Variants in NKAIN3 observed in about 807,000 individuals in gnomAD.
NKAIN3 encodes the protein sodium/potassium transporting ATPase interacting 3.
A neutral mutation model predicts 30.2 loss-of-function variants in NKAIN3; 25 were observed. The observed-to-expected ratio is 0.83, with a 90% CI of 0.60 to 1.16. The LOEUF (loss-of-function observed/expected upper bound fraction) is 1.16, where lower values mean the gene tolerates loss of function less well. NKAIN3 is among the 50% of genes most tolerant of loss of function. NKAIN3 has a pLI of 0.00. For missense variants in NKAIN3, 225 were observed against 254.1 expected (o/e 0.89, Z 0.78); for synonymous variants, 91 against 89.6 (o/e 1.02, Z -0.09).
rs769638912 is a variant in NKAIN3 at position 62,966,070 on chromosome 8, A to G, written c.*663A>G. On this transcript the variant is annotated 3_prime_UTR_variant, in exon 7 of 7. Transcript: ENST00000623646. Reference sequence around the variant, plus strand: ...ATATATGTAGGCACATGGAAGAGTAAAAGGATTAGTAGAACCCCTTTCCCC... The same window carrying G: ...ATATATGTAGGCACATGGAAGAGTAGAAGGATTAGTAGAACCCCTTTCCCC... 2.2e-5 allele frequency: 22 copies of G among 984,168 alleles called. No homozygotes were observed. The highest frequency in any genetic ancestry group is 2.5e-5 in the Non-Finnish European group (21 of 828,824). The allele number at this position is 984,168 out of a possible 1,614,324, so 61.0% of individuals were successfully genotyped here. A position where few individuals can be genotyped will look rare whatever the true frequency, so the allele number is the denominator to read the frequency against.
chr8:62,469,257 C>T (rs1806251499), intron 1 of NKAIN3, among the ~76,000 whole-genome samples: 1 of 152,110 alleles, frequency 6.6e-6, no homozygotes, highest in Non-Finnish European at 1.5e-5. Context: ...TACTAGAAAA[C>T]ATGTTTTGAA....
intron 6 of NKAIN3, among the ~76,000 whole-genome samples, chr8:62,955,494 G>A (rs1290703516): frequency 6.6e-6 from 1 of 151,974 alleles, no homozygotes; most frequent in East Asian, 1.9e-4. Context: ...TATTTGTTAT[G>A]TGATAAGAGG....
At chr8:62,810,795 G>T (rs1414451521) in intron 4 of NKAIN3, among the ~76,000 whole-genome samples, 6 of 151,856 alleles carry the variant, frequency 4.0e-5, no homozygotes, top group African/African-American at 1.5e-4. Flanking sequence ...TTCTATTAAA[G>T]ATTACTTTTA....
intron 4 of NKAIN3, among the ~76,000 whole-genome samples, chr8:62,869,544 A>G (rs1001441532): frequency 2.0e-4 from 30 of 152,252 alleles, no homozygotes; most frequent in African/African-American, 7.0e-4. Context: ...GTTAGAATGA[A>G]GATTAATGAT....
intron 4 of NKAIN3, among the ~76,000 whole-genome samples, chr8:62,906,180 C>T (rs1821769647): frequency 6.6e-6 from 1 of 152,150 alleles, no homozygotes; most frequent in Non-Finnish European, 1.5e-5. Flanking sequence ...GAATAAAAGT[C>T]CTCTGTTTCT....
At chr8:62,554,843 A>G (rs892102331) in intron 1 of NKAIN3, among the ~76,000 whole-genome samples, 1 of 151,858 alleles carries the variant, frequency 6.6e-6, no homozygotes, top group African/African-American at 2.4e-5. Context: ...CCCACACCCC[A>G]CTTCCACCCC....
At chr8:62,408,798 A>C (rs1177602491) in intron 1 of NKAIN3, among the ~76,000 whole-genome samples, 1 of 152,184 alleles carries the variant, frequency 6.6e-6, no homozygotes, top group African/African-American at 2.4e-5. Flanking sequence ...TTTCTATTTA[A>C]GGGAACAATG....
chr8:62,408,985 T>C (rs1276333695), intron 1 of NKAIN3, among the ~76,000 whole-genome samples: 1 of 152,072 alleles, frequency 6.6e-6, no homozygotes, highest in Non-Finnish European at 1.5e-5. Context: ...GCGGAAAAAA[T>C]AGAAAAATGG....
intron 1 of NKAIN3, among the ~76,000 whole-genome samples, chr8:62,547,582 A>G (rs1215912090): frequency 1.3e-5 from 2 of 152,168 alleles, no homozygotes; most frequent in East Asian, 1.9e-4. Flanking sequence ...AAAAAGTGCC[A>G]TTGTTTGAGT....
chr8:62,938,546 A>T (rs936835846), intron 5 of NKAIN3, among the ~76,000 whole-genome samples: 1 of 152,188 alleles, frequency 6.6e-6, no homozygotes, highest in African/African-American at 2.4e-5. Flanking sequence ...ACCATGGCTA[A>T]GTGACCTGAA....
chr8:62,417,051 T>C (rs1804469354), intron 1 of NKAIN3, among the ~76,000 whole-genome samples: 1 of 151,602 alleles, frequency 6.6e-6, no homozygotes, highest in Non-Finnish European at 1.5e-5. Flanking sequence ...TACCATCAAA[T>C]ACTAGATCTT....
intron 5 of NKAIN3, among the ~76,000 whole-genome samples, chr8:62,991,782 T>C (rs923655520): frequency 2.0e-5 from 3 of 152,168 alleles, no homozygotes; most frequent in Admixed American, 2.0e-4. Context: ...AGACTGGATA[T>C]CTCCTGTTAA....
chr8:62,467,955 TAGAG>T (rs1158669707), intron 1 of NKAIN3, among the ~76,000 whole-genome samples: 2 of 152,010 alleles, frequency 1.3e-5, no homozygotes, highest in African/African-American at 4.8e-5. Flanking sequence ...CATTTTTTGT[TAGAG>T]AGGGGGTTTC....
intron 1 of NKAIN3, among the ~76,000 whole-genome samples, chr8:62,473,024 T>C (rs1806404556): frequency 6.6e-6 from 1 of 152,238 alleles, no homozygotes; most frequent in Non-Finnish European, 1.5e-5. Context: ...GTGGTCGATT[T>C]TGAAGGCAAG....
intron 3 of NKAIN3, among the ~76,000 whole-genome samples, chr8:62,629,269 T>C (rs766157449): frequency 1.3e-5 from 2 of 152,154 alleles, no homozygotes; most frequent in East Asian, 3.9e-4. Context: ...TTTTGCATGA[T>C]TTTTTTATAT....
chr8:62,338,648 A>T (rs1815643193), intron 1 of NKAIN3, among the ~76,000 whole-genome samples: 1 of 151,940 alleles, frequency 6.6e-6, no homozygotes, highest in Non-Finnish European at 1.5e-5. Context: ...TGATCACAAG[A>T]TCCCACAATA....
At chr8:62,687,712 T>G (rs1206876282) in intron 3 of NKAIN3, among the ~76,000 whole-genome samples, 1 of 152,236 alleles carries the variant, frequency 6.6e-6, no homozygotes, top group Middle Eastern at 3.2e-3. Flanking sequence ...CATCTAATTC[T>G]AATTCACCAG....
At chr8:62,535,114 C>A (rs1223726284) in intron 1 of NKAIN3, among the ~76,000 whole-genome samples, 1 of 152,068 alleles carries the variant, frequency 6.6e-6, no homozygotes, top group Non-Finnish European at 1.5e-5. Context: ...TTCTTTGCAT[C>A]CAAAATTGGT....
At chr8:62,605,053 AAGGATTGTG>A (rs967216086) in intron 3 of NKAIN3, among the ~76,000 whole-genome samples, 3 of 152,076 alleles carry the variant, frequency 2.0e-5, no homozygotes, top group African/African-American at 7.2e-5. Context: ...ATACATGCAG[AAGGATTGTG>A]AGGAACTTCT....
Sources: allele counts gnomAD v4.1 joint callset (sites outside exome capture counted in the v4.1 genomes callset), GRCh38; gene constraint gnomAD v4.1.1; transcripts MANE v1.5; gene names NCBI Gene and HGNC (gene_info 2026-07-23, HGNC 2026-07-21).